CCND3: variants seen among roughly 807,000 people sequenced by gnomAD.
CCND3 encodes the protein G1/S-specific cyclin-D3.
Under a neutral mutation model 28.7 loss-of-function variants are expected in CCND3, and 9 were observed. The ratio of observed to expected loss-of-function variants is 0.31; its 90% confidence interval spans 0.19 to 0.55. CCND3 has a LOEUF of 0.55. Among genes scored for constraint, CCND3 ranks in the 20% least tolerant of loss-of-function variants. CCND3 has a pLI of 0.93. For synonymous variants in CCND3, 164 were observed against 163.9 expected (o/e 1.00, Z 0.00); for missense variants, 315 against 385.8 (o/e 0.82, Z 1.54).
At chr6:42,017,135 C>G (rs1166008128) in intron 1 of CCND3, among the ~76,000 whole-genome samples, 4 of 152,158 alleles carry the variant, frequency 2.6e-5, no homozygotes, top group African/African-American at 7.2e-5. Context: ...GGCCCTCCCC[C>G]ACACAGCATC....
At position 41,935,762 on chromosome 6, in the gene CCND3, G is replaced by A. The variant is rs1775761166; in HGVS notation, c.*178C>T. The A allele has an allele frequency of 3.3e-6, 2 of 599,788 alleles. No homozygotes were observed. Among genetic ancestry groups the A allele is most frequent in the African/African-American group, 1.8e-5 (1 of 54,400 alleles). 37.2% of individuals were successfully genotyped at this position (599,788 alleles called of 1,614,324 possible). ...GACTAGCCACCGAAATGCAGACATG[G>A]CTGGCCGGGCCCCTTAGTGCACACT... On this transcript the variant is annotated 3_prime_UTR_variant, in exon 5 of 5. Coordinates refer to ENST00000372991, the MANE Select transcript of CCND3 (RefSeq NM_001760.5).
chr6:41,988,981 G>A (rs1762574393), intron 1 of CCND3, among the ~76,000 whole-genome samples: 1 of 151,850 alleles, frequency 6.6e-6, no homozygotes, highest in Admixed American at 6.6e-5. Context: ...TTACAGGCGT[G>A]AGCCACCTCG....
At position 41,965,404 on chromosome 6, in the gene CCND3, C is replaced by T. The variant is rs551975794; in HGVS notation, c.-45-24819G>A. ...CTTCTAAGACCCATAGCCAGTAAGACGCCCAGCTAGGATGTGAACTCCAGT... is the reference window on the plus strand; with the variant it reads ...CTTCTAAGACCCATAGCCAGTAAGATGCCCAGCTAGGATGTGAACTCCAGT... On this transcript the variant is annotated intron_variant, in intron 1 of 4. Coordinates refer to the CCND3 transcript ENST00000372988. 3.9e-5 allele frequency among the ~76,000 whole-genome samples: 6 copies of T among 152,062 alleles called. No individual in the cohort carries two copies. In the East Asian group the frequency reaches 5.8e-4, roughly 15 times the overall value.
intron 1 of CCND3, among the ~76,000 whole-genome samples, chr6:42,024,001 G>A (rs563687262): frequency 6.6e-5 from 10 of 152,228 alleles, no homozygotes; most frequent in South Asian, 2.1e-4. Context: ...TGCTGTACGT[G>A]CATAAAGCCT....
At chr6:41,941,841 C>A (rs1227993676), upstream of CCND3, 4 of 278,088 alleles carry the variant, frequency 1.4e-5, no homozygotes, top group African/African-American at 2.2e-5. The surrounding 1 kb of genome is among the most constrained non-coding windows in gnomAD (Gnocchi z 6.1). Context: ...ATGTAGCAAC[C>A]GTGGAATGCT....
At chr6:42,020,462 C>T (rs1314239136) in intron 1 of CCND3, among the ~76,000 whole-genome samples, 1 of 152,280 alleles carries the variant, frequency 6.6e-6, no homozygotes, top group South Asian at 2.1e-4. Context: ...CTGTATGGTT[C>T]CAGCCTTCAT....
chr6:42,015,922 ATTTTATTTATT>A (rs1316255826), intron 1 of CCND3, among the ~76,000 whole-genome samples: 14 of 151,488 alleles, frequency 9.2e-5, no homozygotes, highest in African/African-American at 3.4e-4. Context: ...ATACGTTTTT[ATTTTATTTATT>A]TTTTATTTAT....
chr6:41,936,871 T>G lies in CCND3; in HGVS notation c.575-176A>C. The G allele has an allele frequency of 1.5e-6, 1 of 651,258 alleles. No individual in the cohort carries two copies. Among genetic ancestry groups the G allele is most frequent in the Non-Finnish European group, 2.6e-6 (1 of 382,662 alleles). The allele number at this position is 651,258 out of a possible 1,614,324, so 40.3% of individuals were successfully genotyped here. On this transcript the variant is annotated intron_variant, in intron 3 of 4. Coordinates refer to ENST00000372991, the MANE Select transcript of CCND3 (RefSeq NM_001760.5). The surrounding 1 kb of genome is among the most constrained non-coding windows in gnomAD (Gnocchi z 4.4). The stretch of plus-strand genomic sequence containing the variant: ...CAAGGGAGGAAGACAGGAAAGAGTA[T>G]CTTTCCTAGAGATCAGAACCAACTG...
chr6:42,011,443 G>A (rs1219879111), intron 1 of CCND3, among the ~76,000 whole-genome samples: 1 of 152,162 alleles, frequency 6.6e-6, no homozygotes, highest in Non-Finnish European at 1.5e-5. Flanking sequence ...ATTTATTAAA[G>A]AGGCAAGCCC....
At chr6:41,963,847 C>T (rs1761782695) in intron 1 of CCND3, among the ~76,000 whole-genome samples, 1 of 150,652 alleles carries the variant, frequency 6.6e-6, no homozygotes, top group African/African-American at 2.4e-5. Flanking sequence ...TCTGCCTGGA[C>T]CACTCTTTCC....
At chr6:41,982,973 T>C (rs1197535062) in intron 1 of CCND3, among the ~76,000 whole-genome samples, 2 of 148,712 alleles carry the variant, frequency 1.3e-5, no homozygotes, top group Non-Finnish European at 1.5e-5. Context: ...AAATGTAAAA[T>C]ACAAAACCAT....
chr6:42,021,261 T>C (rs1022637549), intron 1 of CCND3, among the ~76,000 whole-genome samples: 1 of 152,246 alleles, frequency 6.6e-6, no homozygotes, highest in African/African-American at 2.4e-5. Flanking sequence ...AGAAACATAA[T>C]ATACAGAGAG....
intron 1 of CCND3, among the ~76,000 whole-genome samples, chr6:42,036,305 T>TA (rs1764206622): frequency 3.6e-5 from 5 of 139,394 alleles, no homozygotes; most frequent in African/African-American, 5.3e-5. Context: ...AAAATTATTA[T>TA]TTATATATAT....
At chr6:42,027,829 C>G (rs1429056389) in intron 1 of CCND3, among the ~76,000 whole-genome samples, 2 of 152,052 alleles carry the variant, frequency 1.3e-5, no homozygotes, top group Admixed American at 6.6e-5. Context: ...CTCACGGCAA[C>G]CTCCGCCTCC....
chr6:42,013,430 G>A (rs1358550838), intron 1 of CCND3, among the ~76,000 whole-genome samples: 1 of 152,176 alleles, frequency 6.6e-6, no homozygotes, highest in Non-Finnish European at 1.5e-5. Flanking sequence ...GTAAGCTATA[G>A]GAGGGCAGGG....
intron 1 of CCND3, among the ~76,000 whole-genome samples, chr6:41,981,383 T>C (rs1762341714): frequency 6.6e-6 from 1 of 151,950 alleles, no homozygotes; most frequent in Non-Finnish European, 1.5e-5. Flanking sequence ...TTTTGTACTT[T>C]TAGTAGAGAC....
chr6:41,966,306 T>TC (rs1458900483), intron 1 of CCND3, among the ~76,000 whole-genome samples: 3 of 152,074 alleles, frequency 2.0e-5, no homozygotes, highest in Non-Finnish European at 4.4e-5. Flanking sequence ...ATGCCTGTAG[T>TC]CCCAGTTATA....
In CCND3 at chr6:42,002,362, C is replaced by T. The variant is rs371512647; in HGVS notation, c.-46+46139G>A. On this transcript the variant is annotated intron_variant, in intron 1 of 4. Transcript: ENST00000372988. The stretch of plus-strand genomic sequence containing the variant: ...TCAGGAGGCTGAGGCAGGAGAATTG[C>T]TTGAACTTGGGAGGCTACAGTGAGC... Among the ~76,000 whole-genome samples the T allele has an allele frequency of 2.4e-4, 36 of 150,334 alleles. 1 individual carries two copies. Among genetic ancestry groups the T allele is most frequent in the East Asian group, 1.6e-3 (8 of 5,094 alleles).
In CCND3 at chr6:41,935,748, G is replaced by A. The variant is rs1370948158; in HGVS notation, c.*192C>T. ...GGGAGGAGGAGCTTGACTAGCCACC[G>A]AAATGCAGACATGGCTGGCCGGGCC... On this transcript the variant is annotated 3_prime_UTR_variant, in exon 5 of 5. Coordinates refer to ENST00000372991, the MANE Select transcript of CCND3 (RefSeq NM_001760.5). 3 of 583,568 alleles carry A rather than the reference G, an allele frequency of 5.1e-6. No homozygotes were observed. Among genetic ancestry groups the A allele is most frequent in the Admixed American group, 2.9e-5 (1 of 34,690 alleles). The allele number at this position is 583,568 out of a possible 1,614,324, so 36.1% of individuals were successfully genotyped here. A position where few individuals can be genotyped will look rare whatever the true frequency, so the allele number is the denominator to read the frequency against.
Sources: gnomAD v4.1 joint callset for allele counts (sites outside exome capture counted in the v4.1 genomes callset) on GRCh38, gnomAD v4.1.1 for gene constraint, Gnocchi (gnomAD v3.1) non-coding constraint, MANE v1.5 for transcripts, NCBI Gene and HGNC (gene_info 2026-07-23, HGNC 2026-07-21) for gene names.